The following FAXC variants were observed in gnomAD, a reference collection of about 807,000 sequenced individuals.
FAXC encodes failed axon connections homolog, metaxin like GST domain containing.
In FAXC, 10 loss-of-function variants were observed where a neutral mutation model predicts 41.9. That is an observed-to-expected ratio of 0.24 (90% CI 0.15 to 0.41). The LOEUF (loss-of-function observed/expected upper bound fraction) is 0.41, where lower values mean the gene tolerates loss of function less well. Among genes scored for constraint, FAXC ranks in the 10% least tolerant of loss-of-function variants. The pLI, the probability that FAXC is intolerant of heterozygous loss-of-function variation, is 1.00. For synonymous variants in FAXC, 183 were observed against 183.8 expected (o/e 1.00, Z 0.03); for missense variants, 399 against 510.9 (o/e 0.78, Z 2.11).
At chr6:99,293,942 G>C (rs1028160619) in intron 4 of FAXC, among the ~76,000 whole-genome samples, 1 of 152,100 alleles carries the variant, frequency 6.6e-6, no homozygotes, top group Non-Finnish European at 1.5e-5. Context: ...AAAGACAGGA[G>C]GGGGAAATGG....
Position 99,338,811 on chromosome 6 carries a change from T to C in FAXC, c.402+4087A>G, listed in dbSNP as rs72917309. On this transcript the variant is annotated intron_variant, in intron 2 of 5. Coordinates refer to ENST00000389677, the MANE Select transcript of FAXC (RefSeq NM_032511.4). ...GACCTTGTTTCTTCCATTGCTGTCT[T>C]AGCAAGTCCTAAGTAATCTTCTCCC... is the stretch of plus-strand genomic sequence containing the variant. 6.4e-3 allele frequency among the ~76,000 whole-genome samples: 972 copies of C among 152,318 alleles called. 10 individuals carry two copies. The highest frequency in any genetic ancestry group is 0.042 in the South Asian group (205 of 4,826).
chr6:99,296,034 C>A (rs570211271), intron 4 of FAXC, among the ~76,000 whole-genome samples: 2 of 152,138 alleles, frequency 1.3e-5, no homozygotes, highest in East Asian at 3.9e-4. Context: ...CTAATGTATT[C>A]AATTATTTAT....
intron 2 of FAXC, among the ~76,000 whole-genome samples, chr6:99,337,627 G>A (rs566764554): frequency 3.8e-4 from 58 of 152,104 alleles, no homozygotes; most frequent in Non-Finnish European, 2.9e-5. Flanking sequence ...AGCTATTTTT[G>A]TGTTTTTTAA....
At chr6:99,347,628 GT>G (rs1401167618) in intron 1 of FAXC, among the ~76,000 whole-genome samples, 2 of 152,156 alleles carry the variant, frequency 1.3e-5, no homozygotes, top group African/African-American at 4.8e-5. Flanking sequence ...TTTAAGCTTT[GT>G]TTTAAACTTG....
At chr6:99,328,127 C>T (rs1772885769) in intron 3 of FAXC, among the ~76,000 whole-genome samples, 1 of 152,168 alleles carries the variant, frequency 6.6e-6, no homozygotes, top group African/African-American at 2.4e-5. Context: ...CCTTCTTGGG[C>T]CCCATCTCCC....
Position 99,349,278 on chromosome 6 carries a change from G to T in FAXC, c.95C>A (p.Ser32Tyr). Residue 32 changes from serine (S) to tyrosine (Y), a missense_variant, in exon 1 of 6, where the codon TCC becomes TAC. Ser to Tyr is a moderately radical substitution (Grantham distance 144, BLOSUM62 -2). Coordinates refer to ENST00000389677, the MANE Select transcript of FAXC (RefSeq NM_032511.4). ...CCCATAAAAGGAGAAGGGCTCCTCG[G>T]ACCCGGCCCACCAGCCGAAGAAGGA... Reference protein sequence around the residue: ...SISFFGWWAGSEEPFSFYGDI... With the variant: ...SISFFGWWAGYEEPFSFYGDI... The T allele has an allele frequency of 6.2e-7, 1 of 1,613,510 alleles. No individual in the cohort carries two copies. Among genetic ancestry groups the T allele is most frequent in the Non-Finnish European group, 8.5e-7 (1 of 1,180,008 alleles).
chr6:99,349,421 A>C lies in FAXC; in HGVS notation c.-49T>G. On this transcript the variant is annotated 5_prime_UTR_variant, in exon 1 of 6. It removes an upstream start codon present in the reference 5' UTR. Transcript: ENST00000389677. ...CCCTCCCAGGGCCCGCGCCGCCCGC[A>C]TGGGAAGGGGCCGGCGCGGCCCGGC... 1.4e-6 allele frequency: 2 copies of C among 1,471,324 alleles called. No homozygotes were observed. Among genetic ancestry groups the C allele is most frequent in the Non-Finnish European group, 1.8e-6 (2 of 1,115,972 alleles). The allele number at this position is 1,471,324 out of a possible 1,614,324, so 91.1% of individuals were successfully genotyped here.
chr6:99,336,750 G>A (rs1262347742), intron 2 of FAXC, among the ~76,000 whole-genome samples: 1 of 152,168 alleles, frequency 6.6e-6, no homozygotes, highest in Non-Finnish European at 1.5e-5. Flanking sequence ...TCTGTAGAGT[G>A]GGGATAATAA....
rs1009217799 is a variant in FAXC at position 99,273,678 on chromosome 6, C to A, written c.*7486G>T. Reference sequence around the variant, plus strand: ...TTGACCTAAAATCATGCGTCCATGCCTGTTTTATATCTGCTTTGCCACAAA... The same window carrying A: ...TTGACCTAAAATCATGCGTCCATGCATGTTTTATATCTGCTTTGCCACAAA... On this transcript the variant is annotated 3_prime_UTR_variant, in exon 6 of 6. Transcript: ENST00000389677. The A allele has an allele frequency of 6.6e-6, 1 of 151,852 alleles. No individual in the cohort carries two copies. Among genetic ancestry groups the A allele is most frequent in the African/African-American group, 2.4e-5 (1 of 41,278 alleles). The allele number at this position is 151,852 out of a possible 1,614,324, so 9.4% of individuals were successfully genotyped here.
At chr6:99,334,856 C>T (rs1048816706) in intron 2 of FAXC, among the ~76,000 whole-genome samples, 1 of 152,222 alleles carries the variant, frequency 6.6e-6, no homozygotes, top group South Asian at 2.1e-4. Context: ...TAGCCACTGC[C>T]CACCTGCCCG....
intron 5 of FAXC, among the ~76,000 whole-genome samples, chr6:99,289,321 G>A (rs901151686): frequency 3.3e-5 from 5 of 152,044 alleles, no homozygotes; most frequent in African/African-American, 1.2e-4. Flanking sequence ...CGACTTACGT[G>A]GGGATACATC....
At chr6:99,290,005 G>A (rs765661547) in intron 5 of FAXC, among the ~76,000 whole-genome samples, 2 of 151,680 alleles carry the variant, frequency 1.3e-5, no homozygotes, top group Non-Finnish European at 2.9e-5. Flanking sequence ...AGTTTCTACT[G>A]AACAAGTATT....
chr6:99,310,022 G>C, intron 4 of FAXC: 1 of 340,982 alleles, frequency 2.9e-6, no homozygotes, highest in Non-Finnish European at 4.2e-6. Context: ...AACCCCATCT[G>C]GCCCGCTCAC....
intron 3 of FAXC, among the ~76,000 whole-genome samples, chr6:99,332,641 A>G (rs1463905378): frequency 6.6e-6 from 1 of 152,204 alleles, no homozygotes; most frequent in East Asian, 1.9e-4. Flanking sequence ...CTTGGGGAAT[A>G]CAAACTAGGA....
intron 1 of FAXC, among the ~76,000 whole-genome samples, chr6:99,346,154 CTAAATTA>C (rs1773582675): frequency 6.6e-6 from 1 of 152,126 alleles, no homozygotes; most frequent in Non-Finnish European, 1.5e-5. Context: ...TGTTTTCTGC[CTAAATTA>C]TAAAGACTAT....
intron 5 of FAXC, among the ~76,000 whole-genome samples, chr6:99,285,349 A>G (rs753436703): frequency 5.3e-5 from 8 of 152,210 alleles, no homozygotes; most frequent in Non-Finnish European, 8.8e-5. Flanking sequence ...ATTAAGGTGC[A>G]TCTATGCTAT....
At chr6:99,330,044 G>C (rs188357011) in intron 3 of FAXC, among the ~76,000 whole-genome samples, 44 of 151,490 alleles carry the variant, frequency 2.9e-4, no homozygotes, top group Non-Finnish European at 4.9e-4. Context: ...CTGTTTTGTA[G>C]AGAGAGGGTT....
At chr6:99,282,684 A>G (rs1189134649) in intron 5 of FAXC, among the ~76,000 whole-genome samples, 3 of 152,222 alleles carry the variant, frequency 2.0e-5, no homozygotes, top group African/African-American at 7.2e-5. Context: ...GCTTATAAAT[A>G]TATGATTTGC....
At chr6:99,317,935 C>A (rs1321794843) in intron 4 of FAXC, among the ~76,000 whole-genome samples, 1 of 152,066 alleles carries the variant, frequency 6.6e-6, no homozygotes, top group Non-Finnish European at 1.5e-5. Context: ...AAGGGTGATA[C>A]ACAGCACACA....
Sources: gnomAD v4.1 joint callset for allele counts (sites outside exome capture counted in the v4.1 genomes callset) on GRCh38, gnomAD v4.1.1 for gene constraint, MANE v1.5 for transcripts, NCBI Gene and HGNC (gene_info 2026-07-23, HGNC 2026-07-21) for gene names.